CTDP1: variants seen among roughly 807,000 people sequenced by gnomAD.
The protein encoded by CTDP1 is CTD phosphatase 1, also known as RNA polymerase II subunit A C-terminal domain phosphatase.
In CTDP1, 47 loss-of-function variants were observed where a neutral mutation model predicts 91.8. The observed-to-expected ratio is 0.51, with a 90% CI of 0.41 to 0.65. CTDP1 has a LOEUF of 0.65. Ranked by LOEUF, CTDP1 falls within the 30% of genes least tolerant of loss-of-function variation. The pLI is 0.00. For missense variants in CTDP1, 1,272 were observed against 1,373.7 expected (o/e 0.93, Z 1.17); for synonymous variants, 656 against 598.5 (o/e 1.10, Z -1.40).
chr18:79,691,342 C>T (rs2085616854), intron 1 of CTDP1, among the ~76,000 whole-genome samples: 1 of 152,228 alleles, frequency 6.6e-6, no homozygotes, highest in Non-Finnish European at 1.5e-5. Flanking sequence ...TAGACCTGTG[C>T]TGGGGAAGGC....
rs1180678181 is a variant in CTDP1, at chr18:79,679,891, T to TGCGCTCTGAGCGCA, written c.-52_-39dup. ...TGGGTTGTGTCGCCGCGGTAGGCGC[T>TGCGCTCTGAGCGCA]GCGCTCTGAGCGCAGCGCAGGCCCC... On this transcript the variant is annotated 5_prime_UTR_variant, in exon 1 of 13. Transcript: ENST00000613122. The TGCGCTCTGAGCGCA allele has an allele frequency of 1.3e-3, 1,722 of 1,291,266 alleles. 2 individuals are homozygous for TGCGCTCTGAGCGCA. The highest frequency in any genetic ancestry group is 1.6e-3 in the Non-Finnish European group (1,613 of 1,009,356). The allele number at this position is 1,291,266 out of a possible 1,614,324, so 80.0% of individuals were successfully genotyped here. A position where few individuals can be genotyped will look rare whatever the true frequency, so the allele number is the denominator to read the frequency against.
At chr18:79,688,731 G>A (rs2085559651) in intron 1 of CTDP1, among the ~76,000 whole-genome samples, 1 of 151,084 alleles carries the variant, frequency 6.6e-6, no homozygotes, top group South Asian at 2.1e-4. Flanking sequence ...TTTTAGTAGA[G>A]ACGATTTCAC....
intron 4 of CTDP1, among the ~76,000 whole-genome samples, chr18:79,703,979 G>A (rs1471043021): frequency 2.0e-5 from 3 of 152,114 alleles, no homozygotes; most frequent in East Asian, 3.8e-4. Flanking sequence ...AGTAGTTAGT[G>A]TAGCTGTCAT....
Position 79,695,973 on chromosome 18 carries a change from G to T in CTDP1, c.399-4G>T. On this transcript the variant is annotated splice_polypyrimidine_tract_variant and splice_region_variant and intron_variant, in intron 2 of 12. Transcript: ENST00000613122. ...AAGCCCTGAACCTGTCCTTGCACTT[G>T]CAGGTTGCAGAGTAAGAACGGGAAG... The T allele has an allele frequency of 6.2e-7, 1 of 1,611,552 alleles. No individual in the cohort carries two copies. Among genetic ancestry groups the T allele is most frequent in the Non-Finnish European group, 8.5e-7 (1 of 1,179,524 alleles).
At position 79,704,759 on chromosome 18, in the gene CTDP1, C is replaced by G; in HGVS notation, c.622-8C>G. On this transcript the variant is annotated splice_region_variant and splice_polypyrimidine_tract_variant and intron_variant, in intron 4 of 12. Transcript: ENST00000613122. ...TTTTCTCCCGACTGTTGCTACTATT[C>G]TTTTTAGGGCATCTTTCACTTCCAG... 3 of 1,613,490 alleles carry G rather than the reference C, an allele frequency of 1.9e-6. No individual in the cohort carries two copies. Among genetic ancestry groups the G allele is most frequent in the Non-Finnish European group, 2.5e-6 (3 of 1,180,036 alleles).
chr18:79,685,840 A>G (rs1462994318), intron 1 of CTDP1, among the ~76,000 whole-genome samples: 1 of 152,220 alleles, frequency 6.6e-6, no homozygotes, highest in Non-Finnish European at 1.5e-5. Context: ...ATCTTGATGA[A>G]TTGGTAATTC....
chr18:79,694,989 G>A (rs376529714), intron 1 of CTDP1, among the ~76,000 whole-genome samples: 8 of 152,290 alleles, frequency 5.3e-5, no homozygotes, highest in African/African-American at 7.2e-5. Flanking sequence ...CGGGTGGCAC[G>A]GGGGTGGTGA....
chr18:79,683,046 C>T (rs1788661), intron 1 of CTDP1: 87,451 of 152,044 alleles, frequency 0.58, 25,277 homozygotes, highest in Middle Eastern at 0.67. Flanking sequence ...GCAACAGCTC[C>T]GCGGTTCTCT....
chr18:79,695,095 C>A, intron 1 of CTDP1, 130 bp from the exon 2 acceptor site: 1 of 814,604 alleles, frequency 1.2e-6, no homozygotes, highest in Non-Finnish European at 2.1e-6. Flanking sequence ...GTGATGTCAC[C>A]TGCCTACAAA....
intron 10 of CTDP1, among the ~76,000 whole-genome samples, chr18:79,726,601 AT>A (rs35457671): frequency 0.72 from 106,711 of 149,094 alleles, 38,814 homozygotes; most frequent in Non-Finnish European, 0.78. Flanking sequence ...CCCATCACTG[AT>A]TTTTTTTTTT....
rs1287034625 is a variant in CTDP1 at position 79,715,461 on chromosome 18, C to G, written c.2001C>G (p.Ile667Met). Residue 667 changes from isoleucine to methionine, a missense_variant, in exon 8 of 13, where the codon ATC (isoleucine) becomes ATG (methionine). Ile to Met is a conservative substitution (Grantham distance 10, BLOSUM62 1). Transcript: ENST00000613122. Reference protein sequence around the residue: ...HYHATALGAKILTRLVLSPDA... With the variant: ...HYHATALGAKMLTRLVLSPDA... ...ACGCCACGGCGCTGGGAGCGAAGAT[C>G]CTCACTCGGCTGGTGCTGAGCCCCG... 1.9e-6 allele frequency: 3 copies of G among 1,586,756 alleles called. No individual in the cohort carries two copies. The highest frequency in any genetic ancestry group is 1.1e-5 in the South Asian group (1 of 86,988).
At chr18:79,750,204 G>A (rs1187620129) in intron 12 of CTDP1, among the ~76,000 whole-genome samples, 1 of 152,036 alleles carries the variant, frequency 6.6e-6, no homozygotes, top group African/African-American at 2.4e-5. Flanking sequence ...TTTTAAGACA[G>A]GGTCTTGCTC....
At chr18:79,698,457 A>AG (rs1345916857) in intron 4 of CTDP1, among the ~76,000 whole-genome samples, 1 of 152,126 alleles carries the variant, frequency 6.6e-6, no homozygotes, top group Non-Finnish European at 1.5e-5. Context: ...GGAGGTGACC[A>AG]GCGTACATTC....
intron 1 of CTDP1, among the ~76,000 whole-genome samples, chr18:79,694,675 G>C (rs569546436): frequency 7.2e-4 from 109 of 152,236 alleles, no homozygotes; most frequent in Non-Finnish European, 1.3e-3. Flanking sequence ...AGTGCCAGGC[G>C]GCCTCTGGTC....
intron 10 of CTDP1, among the ~76,000 whole-genome samples, chr18:79,721,411 C>T (rs2086342233): frequency 6.6e-6 from 1 of 152,066 alleles, no homozygotes; most frequent in African/African-American, 2.4e-5. Flanking sequence ...TGGAGACCCC[C>T]CGTCTAGGAA....
chr18:79,716,613 G>A (rs2086214534), intron 8 of CTDP1, among the ~76,000 whole-genome samples: 1 of 151,950 alleles, frequency 6.6e-6, no homozygotes, highest in South Asian at 2.1e-4. Flanking sequence ...TGTCTGCCCT[G>A]CCGCGTGTCT....
rs1481074985 is a variant in CTDP1 at position 79,729,081 on chromosome 18, C to G, written c.2580+12C>G. On this transcript the variant is annotated intron_variant, in intron 11 of 12. Coordinates refer to ENST00000613122, the MANE Select transcript of CTDP1 (RefSeq NM_004715.5). ...GTATGGACAAAGAGGTGAGCCAACC[C>G]CACGCCCCGGTGCCCGCGCCAGCGC... 3.7e-6 allele frequency: 6 copies of G among 1,612,420 alleles called. No individual in the cohort carries two copies. Among genetic ancestry groups the G allele is most frequent in the African/African-American group, 1.3e-5 (1 of 75,018 alleles).
upstream of CTDP1, chr18:79,679,240 G>T: frequency 2.7e-6 from 1 of 364,740 alleles, no homozygotes; most frequent in Admixed American, 3.2e-5. Context: ...GGTGAGGTCG[G>T]AGGAAGAGAA....
rs1394497054 is a variant in CTDP1 at position 79,680,496 on chromosome 18, C to T, written c.314+235C>T. ...GGTCCTGCGTAGCGACACGAAGTTA[C>T]TGTTTGGAAAAGCTATGTTTGTTTC... On this transcript the variant is annotated intron_variant, in intron 1 of 12. Coordinates refer to ENST00000613122, the MANE Select transcript of CTDP1 (RefSeq NM_004715.5). Among the ~76,000 whole-genome samples the T allele has an allele frequency of 2.0e-5, 3 of 152,254 alleles. No homozygotes were observed. The East Asian group carries it at 5.8e-4, about 29-fold the overall frequency.
Sources: gnomAD v4.1 joint callset for allele counts (sites outside exome capture counted in the v4.1 genomes callset) on GRCh38, gnomAD v4.1.1 for gene constraint, MANE v1.5 for transcripts, NCBI Gene and HGNC (gene_info 2026-07-23, HGNC 2026-07-21) for gene names.